SAMD4A: variants seen among roughly 807,000 people sequenced by gnomAD.
SAMD4A encodes the protein protein Smaug homolog 1.
SAMD4A carries 33 observed loss-of-function variants against 81.3 expected under a neutral mutation model. That is an observed-to-expected ratio of 0.41 (90% confidence interval 0.31 to 0.54). The LOEUF (loss-of-function observed/expected upper bound fraction) is 0.54, where lower values mean the gene tolerates loss of function less well. Among genes scored for constraint, SAMD4A ranks in the 20% least tolerant of loss-of-function variants. The pLI is 0.37. For missense variants in SAMD4A, 854 were observed against 951.1 expected, an observed-to-expected ratio of 0.90 and a Z score of 1.34; for synonymous variants, 389 against 382.1, an observed-to-expected ratio of 1.02 and a Z score of -0.21.
At chr14:54,712,055 C>T (rs2140810415) in intron 3 of SAMD4A, among the ~76,000 whole-genome samples, 1 of 152,224 alleles carries the variant, frequency 6.6e-6, no homozygotes, top group South Asian at 2.1e-4. Context: ...GGGAGAGACA[C>T]CAGGCAGCTC....
intron 7 of SAMD4A, among the ~76,000 whole-genome samples, chr14:54,763,637 A>G (rs928360740): frequency 3.3e-5 from 5 of 152,206 alleles, no homozygotes; most frequent in Admixed American, 1.3e-4. Context: ...GTATGATGCC[A>G]GGTTTCAAGC....
intron 9 of SAMD4A, 122 bp from the exon 10 acceptor site, chr14:54,774,812 T>G (rs1263388339): frequency 4.5e-6 from 3 of 670,342 alleles, no homozygotes; most frequent in Non-Finnish European, 6.7e-6. Flanking sequence ...AGACCCTGAC[T>G]CAAAAAAAAA....
At chr14:54,740,247 C>G (rs1317989090) in intron 4 of SAMD4A, among the ~76,000 whole-genome samples, 1 of 152,240 alleles carries the variant, frequency 6.6e-6, no homozygotes, top group African/African-American at 2.4e-5. Context: ...AAAGAGCTGA[C>G]TCTTCCTCTT....
At chr14:54,628,343 C>T (rs1277484669) in intron 2 of SAMD4A, among the ~76,000 whole-genome samples, 3 of 152,236 alleles carry the variant, frequency 2.0e-5, no homozygotes, top group South Asian at 2.1e-4. Context: ...CTCCGCCGGC[C>T]TTCATGAGCA....
At chr14:54,639,324 T>C (rs991831724) in intron 2 of SAMD4A, among the ~76,000 whole-genome samples, 2 of 152,252 alleles carry the variant, frequency 1.3e-5, no homozygotes, top group East Asian at 1.9e-4. Flanking sequence ...GTCATGGAGA[T>C]GTAAGAAACA....
chr14:54,627,819 C>T lies in SAMD4A; in HGVS notation c.196+59707C>T, dbSNP rs146260733. Among the ~76,000 whole-genome samples, 85 of 152,284 alleles carry T rather than the reference C, an allele frequency of 5.6e-4. 1 individual carries two copies. In the East Asian group the frequency reaches 5.8e-3, roughly 10 times the overall value. Reference sequence around the variant, plus strand: ...ATAAAATCCAGACTAGACAATTGCTCGTTTCATGCAGAGAGGGTTTTAAAG... The same window carrying T: ...ATAAAATCCAGACTAGACAATTGCTTGTTTCATGCAGAGAGGGTTTTAAAG... On this transcript the variant is annotated intron_variant, in intron 2 of 12. Coordinates refer to ENST00000554335, the MANE Select transcript of SAMD4A (RefSeq NM_015589.6).
Position 54,637,577 on chromosome 14 carries a change from C to G in SAMD4A, c.197-64485C>G, listed in dbSNP as rs532639544. The stretch of plus-strand genomic sequence containing the variant: ...ACCTCTTTCCACCTGGAGAAGAGAC[C>G]TGGGAGTCCGCACCATGTGTCAGCA... On this transcript the variant is annotated intron_variant, in intron 2 of 12. Coordinates refer to ENST00000554335, the MANE Select transcript of SAMD4A (RefSeq NM_015589.6). Among the ~76,000 whole-genome samples, 3 of 152,160 alleles carry G rather than the reference C, an allele frequency of 2.0e-5. No homozygotes were observed. In the South Asian group the frequency reaches 6.2e-4, roughly 32 times the overall value.
chr14:54,622,878 C>A (rs1399449730), intron 2 of SAMD4A, among the ~76,000 whole-genome samples: 1 of 152,214 alleles, frequency 6.6e-6, no homozygotes, highest in Admixed American at 6.5e-5. Context: ...GAATCAGAAC[C>A]TGCATTTCAA....
At chr14:54,756,283 A>C (rs2038236558) in intron 6 of SAMD4A, among the ~76,000 whole-genome samples, 1 of 151,948 alleles carries the variant, frequency 6.6e-6, no homozygotes, top group African/African-American at 2.4e-5. Flanking sequence ...GTGAGTCCAA[A>C]CTCCTTAGAA....
chr14:54,751,403 A>C (rs761773524), intron 5 of SAMD4A, 48 bp from the exon 6 acceptor site: 9 of 1,237,586 alleles, frequency 7.3e-6, no homozygotes. Context: ...ATTCTTAAAA[A>C]TATGTTTTTA....
chr14:54,745,837 T>C (rs1475962257), intron 4 of SAMD4A, among the ~76,000 whole-genome samples: 5 of 152,136 alleles, frequency 3.3e-5, no homozygotes, highest in Non-Finnish European at 7.3e-5. Flanking sequence ...TTCAATCACA[T>C]ATCAGCTTCT....
intron 6 of SAMD4A, among the ~76,000 whole-genome samples, chr14:54,756,603 A>G (rs548913963): frequency 1.3e-5 from 2 of 152,346 alleles, no homozygotes; most frequent in East Asian, 3.9e-4. Context: ...TGATGGGTGC[A>G]TGAGAGGAGG....
intron 2 of SAMD4A, among the ~76,000 whole-genome samples, chr14:54,640,259 A>C (rs988858251): frequency 3.3e-5 from 5 of 152,132 alleles, no homozygotes; most frequent in African/African-American, 1.2e-4. Context: ...GTTTCGTGCT[A>C]TGAGATTTTT....
intron 2 of SAMD4A, chr14:54,688,163 C>T: frequency 2.0e-6 from 2 of 985,450 alleles, no homozygotes; most frequent in South Asian, 4.7e-5. Context: ...TGCCCTCACC[C>T]CTAAACTCAG....
chr14:54,606,034 C>T (rs1228033620), intron 2 of SAMD4A, among the ~76,000 whole-genome samples: 1 of 152,122 alleles, frequency 6.6e-6, no homozygotes, highest in Non-Finnish European at 1.5e-5. Context: ...ATTAGGTGCC[C>T]ATTTTTACCT....
chr14:54,656,632 A>G (rs1001143744), intron 2 of SAMD4A, among the ~76,000 whole-genome samples: 4 of 151,984 alleles, frequency 2.6e-5, no homozygotes, highest in African/African-American at 7.3e-5. Context: ...TGTTTGTTTG[A>G]TTGTATGTTT....
intron 2 of SAMD4A, among the ~76,000 whole-genome samples, chr14:54,628,346 C>T (rs188654873): frequency 2.0e-5 from 3 of 152,232 alleles, no homozygotes; most frequent in Admixed American, 6.5e-5. Flanking sequence ...CGCCGGCCTT[C>T]ATGAGCATCA....
At position 54,775,102 on chromosome 14, in the gene SAMD4A, A is replaced by G; in HGVS notation, c.1884A>G (p.Thr628=). Residue 628 remains threonine, a synonymous_variant, in exon 10 of 13, where the codon ACA becomes ACG. Transcript: ENST00000554335. The part of the protein sequence containing the change: ...GFVSSNQRNT[T]ATPTIMKQGR... ...TCAGCTCCAACCAGCGCAACACCACAGCTACCCCCACCATCATGAAACAAG... is the reference window on the plus strand; with the variant it reads ...TCAGCTCCAACCAGCGCAACACCACGGCTACCCCCACCATCATGAAACAAG... 6.2e-7 allele frequency: 1 copy of G among 1,614,210 alleles called. No individual in the cohort carries two copies. Among genetic ancestry groups the G allele is most frequent in the Non-Finnish European group, 8.5e-7 (1 of 1,180,036 alleles).
At chr14:54,652,958 T>G (rs2035438343) in intron 2 of SAMD4A, 1 of 152,222 alleles carries the variant, frequency 6.6e-6, no homozygotes, top group Non-Finnish European at 1.5e-5. Context: ...GCTAGTTCCC[T>G]CTGTGAGCCT....
Sources: allele counts gnomAD v4.1 joint callset (sites outside exome capture counted in the v4.1 genomes callset), GRCh38; gene constraint gnomAD v4.1.1; transcripts MANE v1.5; gene names NCBI Gene and HGNC (gene_info 2026-07-23, HGNC 2026-07-21).